The following LRRC8E variants were observed in gnomAD, a reference collection of about 807,000 sequenced individuals.
The protein encoded by LRRC8E is volume-regulated anion channel subunit LRRC8E.
LRRC8E carries 6 observed loss-of-function variants against 6.1 expected under a neutral mutation model. The observed-to-expected ratio is 0.98, with a 90% CI of 0.54 to 1.93. The LOEUF is 1.93. LRRC8E is among the 30% of genes most tolerant of loss of function. The pLI, the probability that LRRC8E is intolerant of heterozygous loss-of-function variation, is 0.01. For synonymous variants in LRRC8E, 485 were observed against 472.8 expected (o/e 1.03, Z -0.33); for missense variants, 1,028 against 1,031.4 (o/e 1.00, Z 0.04).
chr19:7,888,751 G>A (rs1318189992), intron 1 of LRRC8E, among the ~76,000 whole-genome samples, 151 bp downstream of exon 1: 3 of 152,190 alleles, frequency 2.0e-5, no homozygotes. Context: ...CCAGGAGCTG[G>A]GGTGGGGGTG....
At chr19:7,894,717 C>CT (rs1568263488) in intron 1 of LRRC8E, among the ~76,000 whole-genome samples, 1 of 152,180 alleles carries the variant, frequency 6.6e-6, no homozygotes, top group African/African-American at 2.4e-5. Flanking sequence ...TGATTTGTGG[C>CT]TGGCCTGTCT....
chr19:7,900,100 C>G lies in LRRC8E; in HGVS notation c.1578C>G (p.Ala526=), dbSNP rs1272292950. 2.5e-6 allele frequency: 4 copies of G among 1,612,488 alleles called. No homozygotes were observed. In the Admixed American group the frequency reaches 6.7e-5, roughly 27 times the overall value. ...GLFPQELARA[A]TLESLRELKQ... is the part of the protein sequence containing the mutation. The stretch of plus-strand genomic sequence containing the variant: ...TCCCCCAGGAGCTAGCTCGGGCAGC[C>G]ACCCTGGAGAGCCTCCGGGAGCTGA... The change falls in exon 3 of 3, where the codon GCC becomes GCG. Residue 526 remains alanine (A), a synonymous_variant. Coordinates refer to ENST00000306708, the MANE Select transcript of LRRC8E (RefSeq NM_025061.6). This position sits in a 1 kb window ranked among gnomAD's most constrained non-coding sequence, Gnocchi z 5.0.
At chr19:7,891,064 G>A (rs982914058) in intron 1 of LRRC8E, among the ~76,000 whole-genome samples, 1 of 152,320 alleles carries the variant, frequency 6.6e-6, no homozygotes, top group Middle Eastern at 3.4e-3. Flanking sequence ...CTACAGGCAG[G>A]ACCTGGAGGT....
Position 7,895,983 on chromosome 19 carries a change from G to A in LRRC8E, c.138+242G>A, listed in dbSNP as rs1414371752. On this transcript the variant is annotated intron_variant, in intron 2 of 2. Coordinates refer to ENST00000306708, the MANE Select transcript of LRRC8E (RefSeq NM_025061.6). This position sits in a 1 kb window ranked among gnomAD's most constrained non-coding sequence, Gnocchi z 4.7. ...GACGGAGTCTCACTCTGTCACCCAG[G>A]CTAGAGTACAGTGGCATGATCTCAG... 5.9e-5 allele frequency among the ~76,000 whole-genome samples: 9 copies of A among 152,164 alleles called. No homozygotes were observed. The East Asian group carries it at 1.4e-3, about 23-fold the overall frequency.
At chr19:7,891,809 C>T (rs1248941760) in intron 1 of LRRC8E, among the ~76,000 whole-genome samples, 2 of 152,048 alleles carry the variant, frequency 1.3e-5, no homozygotes, top group Non-Finnish European at 2.9e-5. Context: ...GAGGTTTCAC[C>T]ATGTTGGCCA....
At position 7,899,074 on chromosome 19, in the gene LRRC8E, G is replaced by A. The variant is rs761907012; in HGVS notation, c.552G>A (p.Ala184=). 1.7e-5 allele frequency: 27 copies of A among 1,612,666 alleles called. No homozygotes were observed. Among genetic ancestry groups the A allele is most frequent in the African/African-American group, 1.6e-4 (12 of 74,880 alleles). The part of the protein sequence containing the change: ...QKGPAATERA[A]ATIVAMAGTG... ...GCCCAGCAGCCACCGAACGGGCTGC[G>A]GCCACCATAGTGGCCATGGCAGGGA... Residue 184 remains alanine (A), a synonymous_variant, in exon 3 of 3, where the codon GCG becomes GCA. Coordinates refer to ENST00000306708, the MANE Select transcript of LRRC8E (RefSeq NM_025061.6).
rs1303398599 is a variant in LRRC8E, at chr19:7,898,864, T to C, written c.342T>C (p.Tyr114=). 2 of 1,614,116 alleles carry C rather than the reference T, an allele frequency of 1.2e-6. No homozygotes were observed. The highest frequency in any genetic ancestry group is 2.7e-5 in the African/African-American group (2 of 74,936). Residue 114 remains tyrosine, a synonymous_variant, in exon 3 of 3, where the codon TAT becomes TAC. Transcript: ENST00000306708. ...GTTATGAGACGGCCCTGCACTGGTA[T>C]GCCAAGTACTTCCCTTACCTCGTGG... The part of the protein sequence containing the change: ...QLCYETALHW[Y]AKYFPYLVVI...
At chr19:7,891,030 A>G (rs763810996) in intron 1 of LRRC8E, among the ~76,000 whole-genome samples, 12 of 152,154 alleles carry the variant, frequency 7.9e-5, no homozygotes, top group Non-Finnish European at 1.5e-4. Context: ...CTGTCTCCCA[A>G]GAGGGAACAG....
chr19:7,892,324 G>A (rs1481845222), intron 1 of LRRC8E, among the ~76,000 whole-genome samples: 5 of 151,700 alleles, frequency 3.3e-5, no homozygotes, highest in South Asian at 2.1e-4. Flanking sequence ...CACCCACCTC[G>A]GCCTCCCAAA....
chr19:7,900,907 G>A lies in LRRC8E; in HGVS notation c.2385G>A (p.Glu795=). 6.6e-7 allele frequency: 1 copy of A among 1,517,552 alleles called. No individual in the cohort carries two copies. Among genetic ancestry groups the A allele is most frequent in the Non-Finnish European group, 8.8e-7 (1 of 1,134,974 alleles). The allele number at this position is 1,517,552 out of a possible 1,614,324, so 94.0% of individuals were successfully genotyped here. A position where few individuals can be genotyped will look rare whatever the true frequency, so the allele number is the denominator to read the frequency against. The change falls in exon 3 of 3, where the codon GAG becomes GAA. Residue 795 remains glutamate, a synonymous_variant. Coordinates refer to ENST00000306708, the MANE Select transcript of LRRC8E (RefSeq NM_025061.6). The surrounding 1 kb of genome is among the most constrained non-coding windows in gnomAD (Gnocchi z 5.0). Reference sequence around the variant, plus strand: ...CAGAAGTGCGGGACAAGATGGAGGAGGAATGAAGCTGGGGTGGGGCCGTTT... The same window carrying A: ...CAGAAGTGCGGGACAAGATGGAGGAAGAATGAAGCTGGGGTGGGGCCGTTT... ...LPAEVRDKME[E]E is the part of the protein sequence containing the mutation.
intron 1 of LRRC8E, among the ~76,000 whole-genome samples, chr19:7,891,337 CTGTGGAAA>C (rs1209074430): frequency 1.3e-5 from 2 of 152,104 alleles, no homozygotes; most frequent in African/African-American, 2.4e-5. Context: ...TATTTTATGT[CTGTGGAAA>C]TTTAATGGCA....
In LRRC8E at chr19:7,895,660, G is replaced by T; in HGVS notation, c.57G>T (p.Val19=). The T allele has an allele frequency of 6.2e-7, 1 of 1,614,152 alleles. No homozygotes were observed. Among genetic ancestry groups the T allele is most frequent in the Non-Finnish European group, 8.5e-7 (1 of 1,179,982 alleles). The change falls in exon 2 of 3, where the codon GTG becomes GTT. Residue 19 remains valine (V), a synonymous_variant. Coordinates refer to ENST00000306708, the MANE Select transcript of LRRC8E (RefSeq NM_025061.6). The surrounding 1 kb of genome is among the most constrained non-coding windows in gnomAD (Gnocchi z 4.7). The stretch of plus-strand genomic sequence containing the variant: ...CGGAACAGCAGCCTGCGTTCAAGGT[G>T]CTCAAACCCTGGTGGGACGTGCTGG... ...QFTEQQPAFK[V]LKPWWDVLAE...
In LRRC8E at chr19:7,899,285, T is replaced by G; in HGVS notation, c.763T>G (p.Tyr255Asp). ...VEEGDILYTM[Y>D]IRQTVLKVCK... ...AGAGGGCGACATCCTGTACACCATG[T>G]ACATCCGACAGACGGTGCTGAAAGT... Residue 255 changes from tyrosine to aspartate, a missense_variant, in exon 3 of 3, where the codon TAC (tyrosine) becomes GAC (aspartate). Transcript: ENST00000306708. 1 of 1,614,234 alleles carries G rather than the reference T, an allele frequency of 6.2e-7. No homozygotes were observed. Among genetic ancestry groups the G allele is most frequent in the Non-Finnish European group, 8.5e-7 (1 of 1,180,036 alleles).
At chr19:7,892,851 G>C (rs1281521295) in intron 1 of LRRC8E, among the ~76,000 whole-genome samples, 1 of 152,092 alleles carries the variant, frequency 6.6e-6, no homozygotes, top group African/African-American at 2.4e-5. Flanking sequence ...TAGAGACAGG[G>C]TCTTGCTCTG....
chr19:7,900,875 C>G lies in LRRC8E; in HGVS notation c.2353C>G (p.Leu785Val). 1.3e-6 allele frequency: 2 copies of G among 1,534,872 alleles called. No individual in the cohort carries two copies. The highest frequency in any genetic ancestry group is 2.6e-5 in the South Asian group (2 of 78,394). The change falls in exon 3 of 3, where the codon CTG (leucine) becomes GTG (valine). Residue 785 changes from leucine (L) to valine (V), a missense_variant. By Grantham distance (32) the Leu-to-Val change is conservative. Transcript: ENST00000306708. This position sits in a 1 kb window ranked among gnomAD's most constrained non-coding sequence, Gnocchi z 5.0. The part of the protein sequence containing the change: ...LLVEDTLYQG[L>V]PAEVRDKMEE... ...GGTGGAAGACACGCTTTACCAGGGT[C>G]TGCCGGCAGAAGTGCGGGACAAGAT...
intron 1 of LRRC8E, among the ~76,000 whole-genome samples, chr19:7,889,457 T>C (rs1327892277): frequency 1.4e-5 from 2 of 144,166 alleles, no homozygotes; most frequent in Non-Finnish European, 3.0e-5. Flanking sequence ...AAAAAAAAGA[T>C]TGAGGCCAGG....
chr19:7,896,200 A>G (rs899887114), intron 2 of LRRC8E, among the ~76,000 whole-genome samples: 2 of 150,698 alleles, frequency 1.3e-5, no homozygotes, highest in Non-Finnish European at 2.9e-5. Flanking sequence ...TGGGCCTCCC[A>G]AAGTGTTGGG....
chr19:7,898,279 G>T (rs1981709515), intron 2 of LRRC8E, among the ~76,000 whole-genome samples: 1 of 151,468 alleles, frequency 6.6e-6, no homozygotes, highest in Non-Finnish European at 1.5e-5. Flanking sequence ...CAGCTGGCTG[G>T]CAACAGTCAG....
rs749628737 is a variant in LRRC8E at position 7,898,700 on chromosome 19, C to T, written c.178C>T (p.Leu60Phe). The change falls in exon 3 of 3, where the codon CTC (leucine) becomes TTC (phenylalanine). Residue 60 changes from leucine to phenylalanine, a missense_variant. Coordinates refer to ENST00000306708, the MANE Select transcript of LRRC8E (RefSeq NM_025061.6). ...DKIICLPNHE[L>F]QENLSEAPCQ... ...GATCATCTGTCTACCCAATCATGAG[C>T]TCCAGGAGAACTTATCAGAGGCCCC... 1 of 1,613,048 alleles carries T rather than the reference C, an allele frequency of 6.2e-7. No individual in the cohort carries two copies. Among genetic ancestry groups the T allele is most frequent in the South Asian group, 1.1e-5 (1 of 91,010 alleles).
Sources: allele counts gnomAD v4.1 joint callset (sites outside exome capture counted in the v4.1 genomes callset), GRCh38; gene constraint gnomAD v4.1.1; non-coding constraint Gnocchi (gnomAD v3.1); transcripts MANE v1.5; gene names NCBI Gene and HGNC (gene_info 2026-07-23, HGNC 2026-07-21).